The following MTDH variants were observed in gnomAD, a reference collection of about 807,000 sequenced individuals.
MTDH encodes the protein metadherin, also known as protein LYRIC.
A neutral mutation model predicts 72.7 loss-of-function variants in MTDH; 34 were observed. The observed-to-expected ratio is 0.47, with a 90% confidence interval of 0.36 to 0.62. The LOEUF is 0.62. Ranked by LOEUF, MTDH falls within the 20% of genes least tolerant of loss-of-function variation. The pLI, the probability that MTDH is intolerant of heterozygous loss-of-function variation, is 0.00. For missense variants in MTDH, 677 were observed against 699.4 expected (o/e 0.97, Z 0.36); for synonymous variants, 266 against 268.9 (o/e 0.99, Z 0.10).
intron 6 of MTDH, among the ~76,000 whole-genome samples, chr8:97,695,224 CT>C (rs993991227): frequency 6.6e-6 from 1 of 151,816 alleles, no homozygotes; most frequent in Non-Finnish European, 1.5e-5. Context: ...AGCAATTCTC[CT>C]GCCTCAGCCT....
intron 2 of MTDH, among the ~76,000 whole-genome samples, chr8:97,662,024 G>T (rs186928222): frequency 6.6e-6 from 1 of 152,092 alleles, no homozygotes; most frequent in East Asian, 1.9e-4. Context: ...ACATTCCTGA[G>T]ATTTTATTAA....
At chr8:97,701,310 A>G (rs900723423) in intron 7 of MTDH, among the ~76,000 whole-genome samples, 1 of 152,186 alleles carries the variant, frequency 6.6e-6, no homozygotes, top group African/African-American at 2.4e-5. Context: ...GTATTTGCAT[A>G]TAACCTACAT....
At chr8:97,699,211 T>C (rs562460645) in intron 6 of MTDH, among the ~76,000 whole-genome samples, 21 of 151,896 alleles carry the variant, frequency 1.4e-4, no homozygotes, top group Admixed American at 7.9e-4. Context: ...TTGCTTGAGC[T>C]GAGGAGGCAG....
chr8:97,644,986 T>A, intron 1 of MTDH, 99 bp downstream of exon 1: 1 of 1,367,502 alleles, frequency 7.3e-7, no homozygotes, highest in Non-Finnish European at 9.6e-7. Flanking sequence ...AGGAAAAGAG[T>A]GCTTAGTCGA....
chr8:97,714,966 C>CAA (rs1018647848), intron 9 of MTDH, among the ~76,000 whole-genome samples: 10 of 152,116 alleles, frequency 6.6e-5, no homozygotes, highest in Non-Finnish European at 1.5e-4. Flanking sequence ...GCTAGGATTA[C>CAA]AGGCATGTGC....
chr8:97,707,543 C>T (rs1416970625), intron 8 of MTDH, among the ~76,000 whole-genome samples: 2 of 140,276 alleles, frequency 1.4e-5, no homozygotes, highest in Non-Finnish European at 3.0e-5. Context: ...GCTGGGATTA[C>T]ATGTGTAAGC....
chr8:97,665,534 A>G (rs1455113981), intron 2 of MTDH, among the ~76,000 whole-genome samples: 1 of 152,236 alleles, frequency 6.6e-6, no homozygotes, highest in African/African-American at 2.4e-5. Context: ...AGTGCTGGAT[A>G]TTCAGAGGAG....
At chr8:97,680,886 A>G (rs1435771307) in intron 2 of MTDH, among the ~76,000 whole-genome samples, 2 of 152,242 alleles carry the variant, frequency 1.3e-5, no homozygotes, top group Non-Finnish European at 1.5e-5. Context: ...TGTTGAGAAT[A>G]TAATGAAATA....
At chr8:97,721,439 T>TCACACA (rs371480647) in intron 10 of MTDH, among the ~76,000 whole-genome samples, 2 of 151,202 alleles carry the variant, frequency 1.3e-5, no homozygotes, top group Non-Finnish European at 1.5e-5. Flanking sequence ...TGAGACCCTG[T>TCACACA]CACACACACA....
In MTDH at chr8:97,670,177, C is replaced by T. The variant is rs574747508; in HGVS notation, c.483+9004C>T. ...TAAAAATACAAAAATTAGCCAGGCA[C>T]GGTGGCACGCCGCCTGTAGTCCCAG... On this transcript the variant is annotated intron_variant, in intron 2 of 11. Transcript: ENST00000336273. Among the ~76,000 whole-genome samples, 20 of 151,374 alleles carry T rather than the reference C, an allele frequency of 1.3e-4. No homozygotes were observed. In the East Asian group the frequency reaches 3.4e-3, roughly 26 times the overall value.
intron 8 of MTDH, among the ~76,000 whole-genome samples, chr8:97,710,980 A>G (rs1057078460): frequency 4.6e-5 from 7 of 152,070 alleles, no homozygotes; most frequent in Non-Finnish European, 1.0e-4. Flanking sequence ...AGCCTTGGCA[A>G]CAGAGCAAGA....
intron 9 of MTDH, among the ~76,000 whole-genome samples, chr8:97,717,188 A>G (rs960948973): frequency 7.2e-5 from 11 of 152,200 alleles, no homozygotes; most frequent in Non-Finnish European, 1.3e-4. Context: ...ACCCACTACT[A>G]TACTGAATAA....
intron 1 of MTDH, among the ~76,000 whole-genome samples, chr8:97,654,620 T>C (rs1312261883): frequency 6.6e-6 from 1 of 151,994 alleles, no homozygotes; most frequent in East Asian, 1.9e-4. Context: ...GTTTGTTACA[T>C]AGGTATACAT....
intron 5 of MTDH, among the ~76,000 whole-genome samples, chr8:97,689,417 G>C (rs1431441167): frequency 6.6e-6 from 1 of 151,338 alleles, no homozygotes; most frequent in Non-Finnish European, 1.5e-5. Context: ...TGTTGGGCTT[G>C]GGTTTAATAT....
intron 10 of MTDH, among the ~76,000 whole-genome samples, 155 bp downstream of exon 10, chr8:97,719,344 T>A (rs1815012859): frequency 6.6e-6 from 1 of 151,728 alleles, no homozygotes; most frequent in Non-Finnish European, 1.5e-5. Context: ...AATACAAAAA[T>A]TAGCCGGGCA....
At chr8:97,645,518 C>T (rs1422946129) in intron 1 of MTDH, among the ~76,000 whole-genome samples, 1 of 152,176 alleles carries the variant, frequency 6.6e-6, no homozygotes, top group Non-Finnish European at 1.5e-5. Flanking sequence ...ACCTAATACG[C>T]TTTGAGGTGT....
intron 9 of MTDH, among the ~76,000 whole-genome samples, chr8:97,715,067 C>T (rs775241788): frequency 1.1e-4 from 16 of 152,066 alleles, no homozygotes; most frequent in Non-Finnish European, 2.2e-4. Context: ...CTCAAGTGAG[C>T]GGCCCAACTC....
At position 97,644,211 on chromosome 8, in the gene MTDH, A is replaced by T. The variant is rs971742509; in HGVS notation, c.-296A>T. 43 of 408,144 alleles carry T rather than the reference A, an allele frequency of 1.1e-4. No homozygotes were observed. The East Asian group carries it at 2.1e-3, about 20-fold the overall frequency. The allele number at this position is 408,144 out of a possible 1,614,324, so 25.3% of individuals were successfully genotyped here. On this transcript the variant is annotated 5_prime_UTR_variant, in exon 1 of 12. Coordinates refer to ENST00000336273, the MANE Select transcript of MTDH (RefSeq NM_178812.4). ...GCCGCCATTGTTCCGCCGAGGGAGG[A>T]CAGCGGGGCCTGGCGCTGGCGCCGA...
rs759564175 is a variant in MTDH, at chr8:97,729,391, C to T, written c.*4721C>T. On this transcript the variant is annotated 3_prime_UTR_variant, in exon 12 of 12. Transcript: ENST00000336273. ...TTCAATTTCAAACAGTTGCTTGGTC[C>T]CACTAGCCATGAAGCTGGATGGGAC... Among the ~76,000 whole-genome samples, 6 of 152,092 alleles carry T rather than the reference C, an allele frequency of 3.9e-5. No individual in the cohort carries two copies. Among genetic ancestry groups the T allele is most frequent in the Non-Finnish European group, 8.8e-5 (6 of 68,020 alleles).
Sources: gnomAD v4.1 joint callset for allele counts (sites outside exome capture counted in the v4.1 genomes callset) on GRCh38, gnomAD v4.1.1 for gene constraint, MANE v1.5 for transcripts, NCBI Gene and HGNC (gene_info 2026-07-23, HGNC 2026-07-21) for gene names.